Variants in NRXN1 observed in about 807,000 individuals in gnomAD.
The protein encoded by NRXN1 is neurexin 1, also known as neurexin-1.
Under a neutral mutation model 150.9 loss-of-function variants are expected in NRXN1, and 39 were observed. The observed-to-expected ratio is 0.26, with a 90% CI of 0.20 to 0.34. The LOEUF (loss-of-function observed/expected upper bound fraction) is 0.34, where lower values mean the gene tolerates loss of function less well. Ranked by LOEUF, NRXN1 falls within the 10% of genes least tolerant of loss-of-function variation. The pLI, the probability that NRXN1 is intolerant of heterozygous loss-of-function variation, is 1.00. For missense variants in NRXN1, 1,815 were observed against 1,949.9 expected (o/e 0.93, Z 1.30); for synonymous variants, 924 against 757.0 (o/e 1.22, Z -3.62).
At chr2:50,357,802 G>C (rs906973977) in intron 17 of NRXN1, among the ~76,000 whole-genome samples, 3 of 152,190 alleles carry the variant, frequency 2.0e-5, no homozygotes, top group African/African-American at 7.2e-5. Flanking sequence ...TGGCCAAATA[G>C]GAACAGCTCT....
intron 15 of NRXN1, among the ~76,000 whole-genome samples, chr2:50,481,984 G>A (rs1192594278): frequency 1.5e-5 from 2 of 137,280 alleles, no homozygotes; most frequent in Non-Finnish European, 3.0e-5. Context: ...TAGCCGGGAT[G>A]GTCTCGATCT....
intron 19 of NRXN1, among the ~76,000 whole-genome samples, chr2:50,084,426 C>T (rs1039887808): frequency 2.6e-5 from 4 of 152,188 alleles, no homozygotes; most frequent in African/African-American, 4.8e-5. Flanking sequence ...GGGGACCCTG[C>T]GCACTCTCTG....
intron 17 of NRXN1, among the ~76,000 whole-genome samples, chr2:50,304,153 C>A (rs1044517011): frequency 1.3e-5 from 2 of 152,088 alleles, no homozygotes; most frequent in Non-Finnish European, 2.9e-5. Flanking sequence ...ACAACAGAAA[C>A]TAAAATATGT....
chr2:50,458,132 A>G (rs1318482154), intron 17 of NRXN1, among the ~76,000 whole-genome samples: 2 of 152,174 alleles, frequency 1.3e-5, no homozygotes, highest in African/African-American at 4.8e-5. Context: ...ATATATTCCA[A>G]TACGAGTTGA....
At position 49,921,956 on chromosome 2, in the gene NRXN1, C is replaced by T. The variant is rs1258178180; in HGVS notation, c.4512G>A (p.Glu1504=). The T allele has an allele frequency of 1.2e-6, 2 of 1,614,100 alleles. No individual in the cohort carries two copies. The highest frequency in any genetic ancestry group is 8.5e-7 in the Non-Finnish European group (1 of 1,179,988). Residue 1504 remains glutamate (E), a synonymous_variant, in exon 23 of 23, where the codon GAG becomes GAA. Transcript: ENST00000401669. ...SNKNKKNKDK[E]YYV is the part of the protein sequence containing the mutation. ...TAAGATCTTGGGATCAGACATAATACTCTTTATCCTTGTTTTTCTTATTTT... is the reference window on the plus strand; with the variant it reads ...TAAGATCTTGGGATCAGACATAATATTCTTTATCCTTGTTTTTCTTATTTT...
chr2:50,686,373 A>G (rs899769950), intron 5 of NRXN1, among the ~76,000 whole-genome samples: 6 of 151,908 alleles, frequency 3.9e-5, no homozygotes, highest in Non-Finnish European at 7.4e-5. Flanking sequence ...TTCCTCTCAC[A>G]CTCCTGAGTC....
At chr2:51,029,601 A>G (rs577474398) in intron 1 of NRXN1, among the ~76,000 whole-genome samples, 28 of 152,378 alleles carry the variant, frequency 1.8e-4, no homozygotes, top group African/African-American at 6.0e-4. Flanking sequence ...ATCTCAGTTA[A>G]GAGATTTTAC....
At chr2:51,007,518 T>C (rs1281480688) in intron 2 of NRXN1, among the ~76,000 whole-genome samples, 2 of 151,972 alleles carry the variant, frequency 1.3e-5, no homozygotes, top group Admixed American at 1.3e-4. Context: ...ATAACCATTA[T>C]ACACATCAAA....
intron 21 of NRXN1, among the ~76,000 whole-genome samples, chr2:49,962,795 A>G (rs1253899727): frequency 6.6e-6 from 1 of 152,080 alleles, no homozygotes; most frequent in African/African-American, 2.4e-5. Flanking sequence ...TTTACTAAAA[A>G]TACAAAAATT....
chr2:49,951,830 C>T (rs563827300), intron 21 of NRXN1, among the ~76,000 whole-genome samples: 5 of 151,882 alleles, frequency 3.3e-5, no homozygotes, highest in African/African-American at 7.2e-5. Flanking sequence ...TAGTCACACA[C>T]ATTGAAATCA....
chr2:50,226,441 C>T (rs2064385007), intron 18 of NRXN1, among the ~76,000 whole-genome samples: 1 of 151,804 alleles, frequency 6.6e-6, no homozygotes, highest in African/African-American at 2.4e-5. Flanking sequence ...GACTGTATTT[C>T]TAGTGCTTTG....
At chr2:50,867,949 G>A (rs546895796) in intron 5 of NRXN1, among the ~76,000 whole-genome samples, 1 of 151,482 alleles carries the variant, frequency 6.6e-6, no homozygotes, top group East Asian at 2.0e-4. Context: ...CTTTACTAGA[G>A]TTTATACTTT....
intron 18 of NRXN1, among the ~76,000 whole-genome samples, chr2:50,221,977 C>T (rs1006846502): frequency 9.9e-5 from 15 of 151,942 alleles, no homozygotes; most frequent in Non-Finnish European, 1.5e-4. Flanking sequence ...CATTTAAAAG[C>T]CTGTCACGTT....
intron 21 of NRXN1, among the ~76,000 whole-genome samples, chr2:49,963,474 G>T (rs909053537): frequency 6.6e-6 from 1 of 152,236 alleles, no homozygotes; most frequent in Admixed American, 6.5e-5. Flanking sequence ...TGTTTGGGCG[G>T]TGGCAGAGTG....
intron 5 of NRXN1, among the ~76,000 whole-genome samples, chr2:50,832,558 C>T (rs373118141): frequency 6.6e-6 from 1 of 152,064 alleles, no homozygotes; most frequent in Non-Finnish European, 1.5e-5. Flanking sequence ...GAGGGTGAGG[C>T]AGGGGGAACT....
intron 18 of NRXN1, among the ~76,000 whole-genome samples, chr2:50,160,758 C>T (rs973354): frequency 0.56 from 85,311 of 151,892 alleles, 24,532 homozygotes; most frequent in Middle Eastern, 0.64. Flanking sequence ...GTAATCTTTT[C>T]GGTAGTGTTC....
chr2:50,249,518 C>T (rs2066838641), intron 17 of NRXN1, among the ~76,000 whole-genome samples: 1 of 152,004 alleles, frequency 6.6e-6, no homozygotes, highest in African/African-American at 2.4e-5. Flanking sequence ...ACTAATTAAG[C>T]ATTTACTATG....
intron 8 of NRXN1, among the ~76,000 whole-genome samples, chr2:50,571,935 A>C (rs570763927): frequency 6.6e-6 from 1 of 152,286 alleles, no homozygotes; most frequent in South Asian, 2.1e-4. Flanking sequence ...TTCCACATTC[A>C]TGGGGAACTC....
At chr2:50,496,673 G>A (rs950245966) in intron 14 of NRXN1, among the ~76,000 whole-genome samples, 1 of 152,090 alleles carries the variant, frequency 6.6e-6, no homozygotes, top group Non-Finnish European at 1.5e-5. Flanking sequence ...ATTGTATGTT[G>A]GTGTGTGTGG....
Sources: gnomAD v4.1 joint callset for allele counts (sites outside exome capture counted in the v4.1 genomes callset) on GRCh38, gnomAD v4.1.1 for gene constraint, MANE v1.5 for transcripts, NCBI Gene and HGNC (gene_info 2026-07-23, HGNC 2026-07-21) for gene names.